The following DSCAM variants were observed in gnomAD, a reference collection of about 807,000 sequenced individuals.
The protein encoded by DSCAM is DS cell adhesion molecule.
In DSCAM, 47 loss-of-function variants were observed where a neutral mutation model predicts 217.7. The ratio of observed to expected loss-of-function variants is 0.22; its 90% CI spans 0.17 to 0.28. The LOEUF is 0.28. Among genes scored for constraint, DSCAM ranks in the 10% least tolerant of loss-of-function variants. The probability of loss-of-function intolerance (pLI) is 1.00; values close to 1 mark genes in which losing one functional copy is unlikely to be tolerated. For synonymous variants in DSCAM, 1,056 were observed against 1,015.3 expected (o/e 1.04, Z -0.76); for missense variants, 2,080 against 2,618.3 (o/e 0.79, Z 4.49).
chr21:40,280,093 C>T (rs2073739445), intron 10 of DSCAM, among the ~76,000 whole-genome samples: 1 of 151,220 alleles, frequency 6.6e-6, no homozygotes, highest in South Asian at 2.1e-4. Context: ...CAAACCTACA[C>T]GTTCTGCACA....
chr21:40,197,370 G>A (rs936814643), intron 11 of DSCAM, among the ~76,000 whole-genome samples: 7 of 151,826 alleles, frequency 4.6e-5, no homozygotes, highest in East Asian at 1.9e-4. Context: ...CACCCACCTC[G>A]GCCTCCCAAA....
At chr21:40,176,990 C>T (rs1436050549) in intron 15 of DSCAM, among the ~76,000 whole-genome samples, 2 of 152,206 alleles carry the variant, frequency 1.3e-5, no homozygotes, top group Non-Finnish European at 2.9e-5. Context: ...GCAAAATGCA[C>T]CACCGGAAAA....
At chr21:40,448,209 G>C (rs890837708) in intron 3 of DSCAM, among the ~76,000 whole-genome samples, 8 of 152,186 alleles carry the variant, frequency 5.3e-5, no homozygotes, top group Non-Finnish European at 1.5e-5. Flanking sequence ...GAAGAAATCA[G>C]CATTTAAATC....
At chr21:40,467,949 A>C (rs1460285110) in intron 3 of DSCAM, among the ~76,000 whole-genome samples, 4 of 151,448 alleles carry the variant, frequency 2.6e-5, no homozygotes, top group East Asian at 1.9e-4. Context: ...AAAAAAAAAA[A>C]AACTACATAG....
At chr21:40,517,472 C>A (rs1186446890) in intron 3 of DSCAM, among the ~76,000 whole-genome samples, 1 of 151,002 alleles carries the variant, frequency 6.6e-6, no homozygotes, top group Admixed American at 6.6e-5. Context: ...CCAAAGCCAG[C>A]CTTTGCAGCC....
intron 1 of DSCAM, among the ~76,000 whole-genome samples, chr21:40,794,756 C>G (rs960850812): frequency 1.3e-5 from 2 of 149,248 alleles, no homozygotes; most frequent in African/African-American, 4.9e-5. Context: ...TCCAATATCT[C>G]TGTCTTGTTA....
Position 40,189,203 on chromosome 21 carries a change from G to C in DSCAM, c.2392C>G (p.Leu798Val). 4 of 1,610,828 alleles carry C rather than the reference G, an allele frequency of 2.5e-6. No homozygotes were observed. The change falls in exon 12 of 33, where the codon CTG becomes GTG. Residue 798 changes from leucine to valine, a missense_variant. Transcript: ENST00000400454. ...AMITSYPNTTLATQGQKKEMS... is the reference protein window; with the variant it reads ...AMITSYPNTTVATQGQKKEMS... The stretch of plus-strand genomic sequence containing the variant: ...TCCTTTTTCTGCCCCTGCGTGGCCA[G>C]GGTAGTATTTGGATAGGATGTTATC...
At chr21:40,626,595 T>A (rs112424520) in intron 3 of DSCAM, among the ~76,000 whole-genome samples, 2,671 of 152,346 alleles carry the variant, frequency 0.018, 85 homozygotes, top group African/African-American at 0.061. Context: ...CATCTTCTTT[T>A]TAGTTTCACT....
intron 20 of DSCAM, among the ~76,000 whole-genome samples, chr21:40,100,639 T>TC (rs1309282415): frequency 6.6e-6 from 1 of 151,734 alleles, no homozygotes; most frequent in Admixed American, 6.6e-5. Flanking sequence ...CTGAATCTTT[T>TC]TTTTTTTTTT....
intron 4 of DSCAM, among the ~76,000 whole-genome samples, chr21:40,361,172 A>T (rs1418241230): frequency 6.6e-6 from 1 of 151,806 alleles, no homozygotes; most frequent in Non-Finnish European, 1.5e-5. Flanking sequence ...TACCCCAAAC[A>T]TTTGAAAACG....
chr21:40,654,646 T>C (rs1428052300), intron 3 of DSCAM, among the ~76,000 whole-genome samples: 8 of 152,188 alleles, frequency 5.3e-5, no homozygotes, highest in Non-Finnish European at 2.9e-5. Flanking sequence ...CATCCCTGTT[T>C]CTTGGTTCAT....
At chr21:40,819,586 G>T (rs2091910001) in intron 1 of DSCAM, among the ~76,000 whole-genome samples, 1 of 152,194 alleles carries the variant, frequency 6.6e-6, no homozygotes, top group African/African-American at 2.4e-5. Flanking sequence ...GCCCATCTCA[G>T]TCAACCAACG....
intron 1 of DSCAM, among the ~76,000 whole-genome samples, chr21:40,835,165 T>C (rs1438594314): frequency 6.6e-6 from 1 of 152,198 alleles, no homozygotes; most frequent in Non-Finnish European, 1.5e-5. Flanking sequence ...GAAGAAAGTG[T>C]TTCACCATTT....
At chr21:40,026,946 T>C (rs1210481593) in intron 32 of DSCAM, among the ~76,000 whole-genome samples, 1 of 152,312 alleles carries the variant, frequency 6.6e-6, no homozygotes, top group Non-Finnish European at 1.5e-5. Context: ...TTTTGCTCGT[T>C]AGTTGATGCA....
At chr21:40,597,458 G>GTTT (rs533148918) in intron 3 of DSCAM, among the ~76,000 whole-genome samples, 1 of 101,372 alleles carries the variant, frequency 9.9e-6, no homozygotes, top group Non-Finnish European at 2.0e-5. Context: ...TTGCAAGCCG[G>GTTT]TTTTTTTTTT....
At chr21:40,434,773 C>A (rs1050576305) in intron 3 of DSCAM, among the ~76,000 whole-genome samples, 1 of 152,100 alleles carries the variant, frequency 6.6e-6, no homozygotes, top group Non-Finnish European at 1.5e-5. Context: ...ATTATCAATA[C>A]AACATGTGTC....
intron 1 of DSCAM, among the ~76,000 whole-genome samples, chr21:40,751,726 C>T (rs773232986): frequency 2.6e-5 from 4 of 152,022 alleles, no homozygotes; most frequent in Non-Finnish European, 5.9e-5. Flanking sequence ...GAGAGGAGCA[C>T]ACAGGGGCCT....
At chr21:40,093,158 A>G (rs906905606) in intron 21 of DSCAM, among the ~76,000 whole-genome samples, 1 of 152,208 alleles carries the variant, frequency 6.6e-6, no homozygotes, top group Non-Finnish European at 1.5e-5. Context: ...AAGAGCAAGA[A>G]TACCCCGTGC....
At chr21:40,383,929 G>C (rs548558646) in intron 3 of DSCAM, 4 of 152,344 alleles carry the variant, frequency 2.6e-5, no homozygotes, top group African/African-American at 9.6e-5. Flanking sequence ...GAAGTACTGT[G>C]TTCACGATGC....
Sources: allele counts gnomAD v4.1 joint callset (sites outside exome capture counted in the v4.1 genomes callset), GRCh38; gene constraint gnomAD v4.1.1; transcripts MANE v1.5; gene names NCBI Gene and HGNC (gene_info 2026-07-23, HGNC 2026-07-21).